Variants in SYNPR observed in about 807,000 individuals in gnomAD.
SYNPR encodes synaptoporin.
A neutral mutation model predicts 32.9 loss-of-function variants in SYNPR; 23 were observed. The ratio of observed to expected loss-of-function variants is 0.70; its 90% confidence interval spans 0.50 to 0.99. The LOEUF is 0.99. Ranked by LOEUF, SYNPR falls within the 50% of genes least tolerant of loss-of-function variation. SYNPR has a pLI of 0.00. For missense variants in SYNPR, 318 were observed against 349.3 expected (o/e 0.91, Z 0.71); for synonymous variants, 146 against 135.9 (o/e 1.07, Z -0.52).
At chr3:63,344,893 T>C (rs2087416621) in intron 2 of SYNPR, among the ~76,000 whole-genome samples, 1 of 152,144 alleles carries the variant, frequency 6.6e-6, no homozygotes, top group African/African-American at 2.4e-5. Flanking sequence ...AGCTATCTTC[T>C]TGAGCTGACT....
upstream of SYNPR, among the ~76,000 whole-genome samples, chr3:63,273,540 C>T (rs17068031): frequency 0.047 from 7,186 of 152,118 alleles, 239 homozygotes; most frequent in Middle Eastern, 0.1. Flanking sequence ...TGGATCCAAT[C>T]CTTTGGTGTT....
At position 63,287,465 on chromosome 3, in the gene SYNPR, T is replaced by G. The variant is rs1420081828; in HGVS notation, c.84+8723T>G. 2.0e-5 allele frequency among the ~76,000 whole-genome samples: 3 copies of G among 152,208 alleles called. No individual in the cohort carries two copies. The East Asian group carries it at 5.8e-4, about 29-fold the overall frequency. The stretch of plus-strand genomic sequence containing the variant: ...CCCAGACCACACTTTTTAATGACTT[T>G]TCATTCTAGCTACTCAATCAGAGTA... On this transcript the variant is annotated intron_variant, in intron 2 of 5. Coordinates refer to ENST00000478300, the MANE Select transcript of SYNPR (RefSeq NM_001130003.2).
chr3:63,283,131 G>T (rs1183369770), intron 2 of SYNPR, among the ~76,000 whole-genome samples: 9 of 152,154 alleles, frequency 5.9e-5, no homozygotes, highest in Non-Finnish European at 1.3e-4. Context: ...ACACACACAA[G>T]AAATTCTTTA....
intron 5 of SYNPR, chr3:63,610,501 C>G: frequency 1.4e-6 from 1 of 699,740 alleles, no homozygotes; most frequent in Non-Finnish European, 2.6e-6. Flanking sequence ...TGCGAAGGCA[C>G]TTAAGAAGAG....
chr3:63,343,966 G>T (rs1288169622), intron 2 of SYNPR, among the ~76,000 whole-genome samples: 1 of 152,238 alleles, frequency 6.6e-6, no homozygotes, highest in Admixed American at 6.5e-5. Flanking sequence ...TGATGTAAAT[G>T]CAGCCAAACC....
intron 4 of SYNPR, among the ~76,000 whole-genome samples, chr3:63,594,366 G>T (rs978938278): frequency 6.6e-6 from 1 of 152,246 alleles, no homozygotes; most frequent in East Asian, 1.9e-4. Flanking sequence ...TCACCTCAAA[G>T]TGTCATTATG....
chr3:63,448,338 C>G (rs1252698155), intron 2 of SYNPR, among the ~76,000 whole-genome samples: 2 of 152,196 alleles, frequency 1.3e-5, no homozygotes, highest in East Asian at 3.9e-4. Context: ...AATTACCACA[C>G]CTTGTCTCAA....
At chr3:63,437,643 TAGGG>T (rs568687989) in intron 2 of SYNPR, among the ~76,000 whole-genome samples, 20 of 86,112 alleles carry the variant, frequency 2.3e-4, no homozygotes, top group Middle Eastern at 6.7e-3. Flanking sequence ...TGAAGGGAGG[TAGGG>T]AGGGAGGGAG....
chr3:63,390,501 T>A (rs1305360978), intron 2 of SYNPR, among the ~76,000 whole-genome samples: 1 of 152,180 alleles, frequency 6.6e-6, no homozygotes, highest in Non-Finnish European at 1.5e-5. Context: ...AGGACACACA[T>A]CTCATCTGCT....
intron 3 of SYNPR, among the ~76,000 whole-genome samples, chr3:63,509,460 G>A (rs1224642277): frequency 6.6e-6 from 1 of 151,740 alleles, no homozygotes; most frequent in African/African-American, 2.4e-5. Context: ...AAATAAGTGT[G>A]GCTGCCCTTT....
intron 2 of SYNPR, among the ~76,000 whole-genome samples, chr3:63,316,936 A>C (rs1560190045): frequency 6.6e-6 from 1 of 151,830 alleles, no homozygotes; most frequent in Non-Finnish European, 1.5e-5. Flanking sequence ...TTGTGTCATT[A>C]TTGTCATTCA....
intron 4 of SYNPR, among the ~76,000 whole-genome samples, chr3:63,595,745 AT>A (rs1559546181): frequency 0.011 from 475 of 41,922 alleles, 27 homozygotes; most frequent in Non-Finnish European, 0.013. Context: ...ATATATATAT[AT>A]ATATATATAT....
intron 2 of SYNPR, among the ~76,000 whole-genome samples, chr3:63,360,716 G>C (rs1218204992): frequency 1.3e-5 from 2 of 152,060 alleles, no homozygotes; most frequent in Admixed American, 6.6e-5. Context: ...ACACTGTCTG[G>C]CCACTGATAT....
chr3:63,415,895 T>C (rs1448407517), intron 2 of SYNPR, among the ~76,000 whole-genome samples: 1 of 152,254 alleles, frequency 6.6e-6, no homozygotes, highest in Non-Finnish European at 1.5e-5. Flanking sequence ...GTCAATCATG[T>C]AATGGCAGTT....
intron 2 of SYNPR, among the ~76,000 whole-genome samples, chr3:63,261,770 C>T (rs921356915): frequency 1.4e-5 from 2 of 144,346 alleles, no homozygotes; most frequent in African/African-American, 2.6e-5. Flanking sequence ...AGCAAACTAT[C>T]GCAAGGACAA....
At chr3:63,464,464 C>CT (rs1054845270) in intron 2 of SYNPR, among the ~76,000 whole-genome samples, 6 of 152,284 alleles carry the variant, frequency 3.9e-5, no homozygotes, top group African/African-American at 1.4e-4. Flanking sequence ...AGGTATTCCA[C>CT]TTTTTTTCTA....
intron 4 of SYNPR, among the ~76,000 whole-genome samples, chr3:63,571,839 G>T (rs1349853369): frequency 6.6e-6 from 1 of 152,160 alleles, no homozygotes; most frequent in Non-Finnish European, 1.5e-5. Context: ...ACCCCGCCTA[G>T]ATCTATGATC....
chr3:63,329,323 C>T (rs1031171020), intron 2 of SYNPR, among the ~76,000 whole-genome samples: 5 of 152,046 alleles, frequency 3.3e-5, no homozygotes, highest in Non-Finnish European at 7.4e-5. Context: ...CCCTATTTTA[C>T]GGGTGGGAAA....
the SYNPR span, among the ~76,000 whole-genome samples, chr3:63,223,184 A>G: frequency 2.0e-5 from 3 of 151,914 alleles, no homozygotes; most frequent in East Asian, 3.9e-4. Flanking sequence ...AATCAGTCAC[A>G]TTGCCCTGTT....
Sources: allele counts gnomAD v4.1 joint callset (sites outside exome capture counted in the v4.1 genomes callset), GRCh38; gene constraint gnomAD v4.1.1; transcripts MANE v1.5; gene names NCBI Gene and HGNC (gene_info 2026-07-23, HGNC 2026-07-21).